The following MSRA variants were observed in gnomAD, a reference collection of about 807,000 sequenced individuals.
MSRA encodes methionine sulfoxide reductase A.
A neutral mutation model predicts 31.3 loss-of-function variants in MSRA; 54 were observed. The observed-to-expected ratio is 1.73, with a 90% CI of 1.39 to 2.17. The LOEUF is 2.17. Among genes scored for constraint, MSRA ranks in the 30% most tolerant of loss-of-function variants. The probability of loss-of-function intolerance (pLI) is 0.00; values close to 1 mark genes in which losing one functional copy is unlikely to be tolerated. For synonymous variants in MSRA, 169 were observed against 116.5 expected, an observed-to-expected ratio of 1.45 and a Z score of -2.90; for missense variants, 507 against 300.9, an observed-to-expected ratio of 1.69 and a Z score of -5.07.
intron 1 of MSRA, among the ~76,000 whole-genome samples, chr8:10,177,518 A>G (rs978708757): frequency 6.6e-6 from 1 of 151,874 alleles, no homozygotes; most frequent in African/African-American, 2.4e-5. Context: ...CTTCTTTGGG[A>G]GGAAAGGATT....
chr8:10,314,490 A>G (rs1801606310), intron 4 of MSRA, among the ~76,000 whole-genome samples: 1 of 152,234 alleles, frequency 6.6e-6, no homozygotes, highest in Non-Finnish European at 1.5e-5. Context: ...TGAAAATCTG[A>G]CATTAGCAGA....
chr8:10,260,716 C>G (rs750110016), intron 3 of MSRA, among the ~76,000 whole-genome samples: 1 of 151,958 alleles, frequency 6.6e-6, no homozygotes, highest in African/African-American at 2.4e-5. Context: ...AAAAAGCAAA[C>G]GAGATTAATA....
At chr8:10,197,067 A>C (rs982113563) in intron 1 of MSRA, among the ~76,000 whole-genome samples, 3 of 152,144 alleles carry the variant, frequency 2.0e-5, no homozygotes, top group African/African-American at 7.2e-5. Context: ...GTTATTCACA[A>C]GGGTGTCACA....
At chr8:10,213,037 ACAAT>A (rs1207559418) in intron 2 of MSRA, among the ~76,000 whole-genome samples, 1 of 152,196 alleles carries the variant, frequency 6.6e-6, no homozygotes, top group East Asian at 1.9e-4. Context: ...TATGTTACAA[ACAAT>A]CCAATTATAC....
intron 2 of MSRA, among the ~76,000 whole-genome samples, chr8:10,244,391 A>G (rs566757164): frequency 6.6e-6 from 1 of 152,284 alleles, no homozygotes; most frequent in South Asian, 2.1e-4. Context: ...CAGATGTTCA[A>G]AGAGATCCTG....
intron 4 of MSRA, among the ~76,000 whole-genome samples, chr8:10,312,654 C>T (rs1435490606): frequency 6.6e-6 from 1 of 152,150 alleles, no homozygotes; most frequent in Non-Finnish European, 1.5e-5. Context: ...CCTACGCAAA[C>T]TATTAGCAAA....
At chr8:10,246,454 G>C (rs184620066) in intron 3 of MSRA, among the ~76,000 whole-genome samples, 1 of 152,316 alleles carries the variant, frequency 6.6e-6, no homozygotes, top group Admixed American at 6.5e-5. Context: ...GGTCTTAATA[G>C]GGAGGGAGTA....
chr8:10,091,211 A>G (rs1035766672), intron 1 of MSRA, among the ~76,000 whole-genome samples: 12 of 152,144 alleles, frequency 7.9e-5, no homozygotes, highest in African/African-American at 2.4e-4. Context: ...TTTCATCTAT[A>G]TTCGTAACGA....
intron 5 of MSRA, among the ~76,000 whole-genome samples, chr8:10,324,912 A>C (rs4419814): frequency 6.6e-6 from 1 of 152,112 alleles, no homozygotes; most frequent in Non-Finnish European, 1.5e-5. Flanking sequence ...TGAGCTGCAC[A>C]TGTGTGAGCT....
intron 5 of MSRA, among the ~76,000 whole-genome samples, chr8:10,350,735 A>G (rs1301084758): frequency 1.3e-5 from 2 of 152,148 alleles, no homozygotes; most frequent in East Asian, 3.9e-4. Context: ...GCAACCCTTG[A>G]TGGTGGCAGC....
At chr8:10,227,134 T>C (rs991585272) in intron 2 of MSRA, among the ~76,000 whole-genome samples, 3 of 152,020 alleles carry the variant, frequency 2.0e-5, no homozygotes, top group East Asian at 3.9e-4. Context: ...AGATAGTGAG[T>C]AGATCCTAAA....
intron 5 of MSRA, among the ~76,000 whole-genome samples, chr8:10,386,819 G>A (rs1806420604): frequency 6.6e-6 from 1 of 150,906 alleles, no homozygotes; most frequent in South Asian, 2.1e-4. Context: ...TCCTCCTCCG[G>A]GAAAAATGGG....
At chr8:10,361,384 C>T (rs954112425) in intron 5 of MSRA, among the ~76,000 whole-genome samples, 10 of 152,164 alleles carry the variant, frequency 6.6e-5, no homozygotes, top group Non-Finnish European at 1.5e-4. Context: ...GTGCTTGGGA[C>T]TTAGGGTTCT....
At chr8:10,333,639 A>T (rs546210607) in intron 5 of MSRA, among the ~76,000 whole-genome samples, 1 of 152,262 alleles carries the variant, frequency 6.6e-6, no homozygotes, top group East Asian at 1.9e-4. Context: ...TGTATATGTA[A>T]AGTGTCTGTC....
At chr8:10,061,205 T>C (rs1467131624) in intron 1 of MSRA, among the ~76,000 whole-genome samples, 1 of 152,026 alleles carries the variant, frequency 6.6e-6, no homozygotes, top group East Asian at 1.9e-4. Flanking sequence ...GCCTAATGTG[T>C]TTCACTTTTC....
At chr8:10,295,554 G>A (rs1048423970) in intron 3 of MSRA, among the ~76,000 whole-genome samples, 1 of 152,134 alleles carries the variant, frequency 6.6e-6, no homozygotes, top group African/African-American at 2.4e-5. Flanking sequence ...GGCTCTGCTC[G>A]GCCTCCCTCC....
At chr8:10,234,950 A>G (rs1173061972) in intron 2 of MSRA, among the ~76,000 whole-genome samples, 2 of 152,104 alleles carry the variant, frequency 1.3e-5, no homozygotes, top group African/African-American at 4.8e-5. Context: ...CTAAAAGAGA[A>G]ATCAAAAAAT....
intron 3 of MSRA, among the ~76,000 whole-genome samples, chr8:10,265,454 G>C (rs1035771359): frequency 4.6e-5 from 7 of 152,258 alleles, no homozygotes; most frequent in African/African-American, 1.4e-4. Context: ...AGCTGAAAGG[G>C]CCTTTGGAAT....
At chr8:10,106,560 C>T (rs1799896276) in intron 1 of MSRA, among the ~76,000 whole-genome samples, 1 of 152,180 alleles carries the variant, frequency 6.6e-6, no homozygotes, top group African/African-American at 2.4e-5. Flanking sequence ...GAGAGACTGG[C>T]AGACACACAC....
Sources: allele counts gnomAD v4.1 joint callset (sites outside exome capture counted in the v4.1 genomes callset), GRCh38; gene constraint gnomAD v4.1.1; transcripts MANE v1.5; gene names NCBI Gene and HGNC (gene_info 2026-07-23, HGNC 2026-07-21).